LMNTD1: variants seen among roughly 807,000 people sequenced by gnomAD.
LMNTD1 encodes lamin tail domain containing 1, also known as lamin tail domain-containing protein 1.
LMNTD1 carries 35 observed loss-of-function variants against 50.9 expected under a neutral mutation model. The ratio of observed to expected loss-of-function variants is 0.69; its 90% confidence interval spans 0.53 to 0.91. The LOEUF is 0.91. LMNTD1 is among the 40% of genes least tolerant of loss of function. The pLI is 0.00. For missense variants in LMNTD1, 470 were observed against 475.5 expected (o/e 0.99, Z 0.11); for synonymous variants, 153 against 161.9 (o/e 0.94, Z 0.42).
chr12:25,543,433 A>G (rs113474659), intron 4 of LMNTD1, among the ~76,000 whole-genome samples: 1 of 152,022 alleles, frequency 6.6e-6, no homozygotes, highest in Non-Finnish European at 1.5e-5. Flanking sequence ...CCAAATATTT[A>G]TGGTAAAAGT....
chr12:25,609,691 C>T (rs1156743879), intron 1 of LMNTD1, among the ~76,000 whole-genome samples: 1 of 152,160 alleles, frequency 6.6e-6, no homozygotes, highest in East Asian at 1.9e-4. Flanking sequence ...GAAAATATTG[C>T]TGCCTGATCC....
intron 4 of LMNTD1, among the ~76,000 whole-genome samples, chr12:25,543,481 A>T (rs763731591): frequency 1.3e-5 from 2 of 151,992 alleles, no homozygotes; most frequent in Non-Finnish European, 2.9e-5. Context: ...AAACCATATG[A>T]TCATCTCACT....
rs1194077540 is a variant in LMNTD1 at position 25,527,651 on chromosome 12, T to G, written c.492-696A>C. On this transcript the variant is annotated intron_variant, in intron 4 of 9. Coordinates refer to ENST00000458174, the MANE Select transcript of LMNTD1 (RefSeq NM_001145728.2). ...GGCACTTAATAACACTATATATATA[T>G]ATATATATATATATATATATATATA... 2.5e-4 allele frequency among the ~76,000 whole-genome samples: 11 copies of G among 44,576 alleles called. 2 individuals carry two copies. The highest frequency in any genetic ancestry group is 2.4e-3 in the Admixed American group (9 of 3,704). 29.2% of individuals were successfully genotyped at this position (44,576 alleles called of 152,430 possible).
chr12:25,594,870 G>A (rs749977860), intron 1 of LMNTD1, among the ~76,000 whole-genome samples: 11 of 151,758 alleles, frequency 7.2e-5, no homozygotes, highest in Non-Finnish European at 1.6e-4. Flanking sequence ...ATAAACTCAA[G>A]GTAAAAAGGT....
At chr12:25,628,486 C>A (rs1039718779) in intron 1 of LMNTD1, among the ~76,000 whole-genome samples, 1 of 152,100 alleles carries the variant, frequency 6.6e-6, no homozygotes, top group African/African-American at 2.4e-5. Context: ...TTCTAATAAT[C>A]ACTTCCCCCA....
chr12:25,494,690 A>G (rs1233414717), intron 9 of LMNTD1, among the ~76,000 whole-genome samples: 1 of 152,166 alleles, frequency 6.6e-6, no homozygotes, highest in East Asian at 1.9e-4. Flanking sequence ...CCCCAGCTTT[A>G]TTAACATAGG....
chr12:25,615,330 C>T (rs1034568355), intron 1 of LMNTD1, among the ~76,000 whole-genome samples: 1 of 152,094 alleles, frequency 6.6e-6, no homozygotes, highest in Non-Finnish European at 1.5e-5. Context: ...TGAGGTAATT[C>T]AGTTCCCTTT....
chr12:25,575,089 T>C (rs1413412481), intron 1 of LMNTD1, among the ~76,000 whole-genome samples: 4 of 152,142 alleles, frequency 2.6e-5, no homozygotes, highest in African/African-American at 9.7e-5. Context: ...ACTTCTTATA[T>C]TGAATTTCTT....
chr12:25,574,055 T>G (rs1389878199), intron 1 of LMNTD1, among the ~76,000 whole-genome samples: 1 of 152,204 alleles, frequency 6.6e-6, no homozygotes, highest in Admixed American at 6.5e-5. Context: ...ATAATTCAGC[T>G]CTTTAGGACA....
At chr12:25,623,453 C>G (rs1165196140) in intron 1 of LMNTD1, among the ~76,000 whole-genome samples, 1 of 145,972 alleles carries the variant, frequency 6.9e-6, no homozygotes, top group Non-Finnish European at 1.5e-5. Flanking sequence ...ACTCCAGAGG[C>G]TGAGGTGAGA....
chr12:25,506,753 T>C (rs1005722893), intron 8 of LMNTD1, among the ~76,000 whole-genome samples: 1 of 151,528 alleles, frequency 6.6e-6, no homozygotes, highest in African/African-American at 2.4e-5. Context: ...TTATTTATTT[T>C]ACTATTTCAA....
chr12:25,527,000 GT>G, intron 4 of LMNTD1, 45 bp from the exon 5 acceptor site: 1 of 1,363,648 alleles, frequency 7.3e-7, no homozygotes, highest in Non-Finnish European at 1.0e-6. Context: ...TCAGATAGGA[GT>G]GTCTTTGACT....
intron 9 of LMNTD1, among the ~76,000 whole-genome samples, chr12:25,492,418 G>A (rs1938917034): frequency 6.6e-6 from 1 of 152,124 alleles, no homozygotes; most frequent in Non-Finnish European, 1.5e-5. Context: ...TGTATAGATT[G>A]ATATTGGCTT....
chr12:25,513,034 G>T (rs2135994070), intron 8 of LMNTD1, among the ~76,000 whole-genome samples: 1 of 152,218 alleles, frequency 6.6e-6, no homozygotes, highest in South Asian at 2.1e-4. Context: ...TTAGCTAGAG[G>T]CCCTGTGCAT....
intron 1 of LMNTD1, among the ~76,000 whole-genome samples, chr12:25,622,463 G>GCCC (rs199777995): frequency 4.4e-4 from 49 of 111,158 alleles, no homozygotes; most frequent in African/African-American, 6.9e-4. Context: ...GAGTTTGTGA[G>GCCC]CCCGCCCCCC....
chr12:25,555,471 A>G (rs1240824478), upstream of LMNTD1, among the ~76,000 whole-genome samples: 2 of 152,232 alleles, frequency 1.3e-5, no homozygotes, highest in Non-Finnish European at 2.9e-5. Context: ...TGTGGATATA[A>G]CATATCCTAA....
At chr12:25,515,720 T>C (rs1189163487) in intron 8 of LMNTD1, among the ~76,000 whole-genome samples, 1 of 152,122 alleles carries the variant, frequency 6.6e-6, no homozygotes, top group Non-Finnish European at 1.5e-5. Flanking sequence ...ATACAGTGTG[T>C]AGATGTTTCT....
At chr12:25,588,807 C>T (rs1177230091) in intron 1 of LMNTD1, among the ~76,000 whole-genome samples, 2 of 151,824 alleles carry the variant, frequency 1.3e-5, no homozygotes, top group Non-Finnish European at 2.9e-5. Flanking sequence ...GCCTATATAT[C>T]AATAAGTAAA....
chr12:25,613,574 T>C (rs947182392), intron 1 of LMNTD1, among the ~76,000 whole-genome samples: 2 of 152,210 alleles, frequency 1.3e-5, no homozygotes, highest in Non-Finnish European at 2.9e-5. Flanking sequence ...TCTGGCAAAA[T>C]GTAAATGAGC....
Sources: gnomAD v4.1 joint callset for allele counts (sites outside exome capture counted in the v4.1 genomes callset) on GRCh38, gnomAD v4.1.1 for gene constraint, MANE v1.5 for transcripts, NCBI Gene and HGNC (gene_info 2026-07-23, HGNC 2026-07-21) for gene names.